The following GSG1L variants were observed in gnomAD, a reference collection of about 807,000 sequenced individuals.
The protein encoded by GSG1L is GSG1 like.
Under a neutral mutation model 42.1 loss-of-function variants are expected in GSG1L, and 24 were observed. That is an observed-to-expected ratio of 0.57 (90% confidence interval 0.41 to 0.80). The LOEUF (loss-of-function observed/expected upper bound fraction) is 0.80, where lower values mean the gene tolerates loss of function less well. Among genes scored for constraint, GSG1L ranks in the 30% least tolerant of loss-of-function variants. GSG1L has a pLI of 0.00. For missense variants in GSG1L, 445 were observed against 472.2 expected (o/e 0.94, Z 0.53); for synonymous variants, 215 against 203.5 (o/e 1.06, Z -0.48).
At chr16:27,810,798 C>T (rs951468465) in intron 5 of GSG1L, among the ~76,000 whole-genome samples, 10 of 152,196 alleles carry the variant, frequency 6.6e-5, no homozygotes, top group Non-Finnish European at 2.9e-5. Flanking sequence ...AGCAATTCTC[C>T]TGCCTCAGCC....
chr16:27,903,120 G>A (rs770943168), intron 2 of GSG1L, among the ~76,000 whole-genome samples: 1 of 152,136 alleles, frequency 6.6e-6, no homozygotes, highest in Admixed American at 6.5e-5. Flanking sequence ...TGAAGGACAA[G>A]GGGGAGTCCA....
At position 27,895,270 on chromosome 16, in the gene GSG1L, C is replaced by T. The variant is rs1367310642; in HGVS notation, c.398-10632G>A. ...GGGCAAATGCACAATACTGGAACTG[C>T]ATCATCACGTGATGATGGCTGTGGG... On this transcript the variant is annotated intron_variant, in intron 2 of 6. Coordinates refer to ENST00000447459, the MANE Select transcript of GSG1L (RefSeq NM_001109763.2). Among the ~76,000 whole-genome samples, 4 of 152,156 alleles carry T rather than the reference C, an allele frequency of 2.6e-5. No homozygotes were observed. In the South Asian group the frequency reaches 8.3e-4, roughly 32 times the overall value.
intron 5 of GSG1L, among the ~76,000 whole-genome samples, chr16:27,826,144 G>A (rs1326130229): frequency 6.6e-6 from 1 of 152,184 alleles, no homozygotes; most frequent in Non-Finnish European, 1.5e-5. Flanking sequence ...CCGTGGCACA[G>A]TAAGTAGAAA....
At chr16:27,958,423 A>G (rs543050279) in intron 2 of GSG1L, among the ~76,000 whole-genome samples, 27 of 151,282 alleles carry the variant, frequency 1.8e-4, no homozygotes, top group Admixed American at 7.9e-4. Flanking sequence ...AAAAAAAAAA[A>G]AAAAGAAAAG....
intron 3 of GSG1L, among the ~76,000 whole-genome samples, chr16:27,872,488 G>T (rs1596573772): frequency 6.6e-6 from 1 of 152,306 alleles, no homozygotes; most frequent in East Asian, 1.9e-4. Flanking sequence ...ATTTGAACCA[G>T]AGTGACTCCA....
chr16:27,838,660 G>A (rs899482929), intron 4 of GSG1L, among the ~76,000 whole-genome samples: 22 of 152,166 alleles, frequency 1.4e-4, no homozygotes, highest in African/African-American at 2.7e-4. Context: ...AGGTTGTAAT[G>A]GATCACTAAG....
chr16:27,874,729 A>G (rs1186590876), intron 3 of GSG1L, among the ~76,000 whole-genome samples: 1 of 152,056 alleles, frequency 6.6e-6, no homozygotes, highest in Non-Finnish European at 1.5e-5. Context: ...ACCTTGCCCT[A>G]TGTGTTTCTT....
intron 2 of GSG1L, among the ~76,000 whole-genome samples, chr16:27,912,659 C>G (rs1401722462): frequency 2.6e-5 from 4 of 152,180 alleles, no homozygotes; most frequent in Non-Finnish European, 4.4e-5. Context: ...GGAGTGGCTC[C>G]ACAGATTGAC....
intron 2 of GSG1L, among the ~76,000 whole-genome samples, chr16:27,901,327 A>G (rs1255898222): frequency 6.6e-6 from 1 of 152,210 alleles, no homozygotes; most frequent in Non-Finnish European, 1.5e-5. Flanking sequence ...TCAAAGCCCC[A>G]GGTGCATCTA....
intron 2 of GSG1L, among the ~76,000 whole-genome samples, chr16:27,938,230 T>C (rs2084741965): frequency 6.6e-6 from 1 of 151,416 alleles, no homozygotes; most frequent in Non-Finnish European, 1.5e-5. Context: ...GAGTGCACCA[T>C]TGTTTGGTTT....
chr16:27,898,847 A>C (rs952328620), intron 2 of GSG1L, among the ~76,000 whole-genome samples: 2 of 152,206 alleles, frequency 1.3e-5, no homozygotes, highest in Admixed American at 6.5e-5. Flanking sequence ...GATTCTTTTG[A>C]AAACATGGAA....
At chr16:27,946,655 GAAAAGAAAGAAAGAAA>G (rs1567530112) in intron 2 of GSG1L, among the ~76,000 whole-genome samples, 686 of 66,860 alleles carry the variant, frequency 0.01, 40 homozygotes, top group African/African-American at 0.034. Context: ...AAGAAAGAAA[GAAAAGAAAGAAAGAAA>G]GAAAGAAAGA....
intron 4 of GSG1L, among the ~76,000 whole-genome samples, chr16:27,840,566 C>T (rs902968379): frequency 1.3e-5 from 2 of 152,182 alleles, no homozygotes; most frequent in African/African-American, 4.8e-5. Flanking sequence ...GTGCTGAGTG[C>T]TCCACATGCA....
Position 28,059,764 on chromosome 16 carries a change from T to A in GSG1L, c.349+3312A>T, listed in dbSNP as rs1332332597. Among the ~76,000 whole-genome samples the A allele has an allele frequency of 1.3e-5, 2 of 152,152 alleles. No homozygotes were observed. Among genetic ancestry groups the A allele is most frequent in the South Asian group, 2.1e-4 (1 of 4,824 alleles). ...TTGTGTGAAGGGCTTGGGGTGACTC[T>A]GTGTCGAGGCCACGCTTCCCTTTCT... On this transcript the variant is annotated intron_variant, in intron 1 of 6. Coordinates refer to ENST00000447459, the MANE Select transcript of GSG1L (RefSeq NM_001109763.2). The surrounding 1 kb of genome is among the most constrained non-coding windows in gnomAD (Gnocchi z 4.4).
chr16:27,800,805 C>G (rs2082873005), intron 6 of GSG1L, among the ~76,000 whole-genome samples: 1 of 152,184 alleles, frequency 6.6e-6, no homozygotes, highest in African/African-American at 2.4e-5. Flanking sequence ...GTGCCACACA[C>G]TAGTTTAGAC....
chr16:27,838,307 G>A (rs80088775), intron 4 of GSG1L, among the ~76,000 whole-genome samples: 1 of 152,176 alleles, frequency 6.6e-6, no homozygotes, highest in Non-Finnish European at 1.5e-5. Flanking sequence ...TTTTAGCATG[G>A]GTGAGAGGCT....
At chr16:27,960,790 C>T (rs573174561) in intron 2 of GSG1L, among the ~76,000 whole-genome samples, 2 of 152,036 alleles carry the variant, frequency 1.3e-5, no homozygotes, top group East Asian at 1.9e-4. Flanking sequence ...TGAGAGACAG[C>T]GAGTACGTGA....
At chr16:27,910,122 G>T (rs1286539009) in intron 2 of GSG1L, among the ~76,000 whole-genome samples, 1 of 124,428 alleles carries the variant, frequency 8.0e-6, no homozygotes, top group African/African-American at 3.4e-5. Context: ...ACCATGCCTG[G>T]CTACTTTTTT....
intron 2 of GSG1L, among the ~76,000 whole-genome samples, chr16:27,958,038 C>T (rs1387831874): frequency 2.6e-5 from 4 of 152,258 alleles, no homozygotes; most frequent in Admixed American, 2.6e-4. Flanking sequence ...CAAACACTTC[C>T]CACTGGGCCC....
Sources: gnomAD v4.1 joint callset for allele counts (sites outside exome capture counted in the v4.1 genomes callset) on GRCh38, gnomAD v4.1.1 for gene constraint, Gnocchi (gnomAD v3.1) non-coding constraint, MANE v1.5 for transcripts, NCBI Gene and HGNC (gene_info 2026-07-23, HGNC 2026-07-21) for gene names.